The following NTNG1 variants were observed in gnomAD, a reference collection of about 807,000 sequenced individuals.
The protein encoded by NTNG1 is netrin-G1.
Under a neutral mutation model 54.0 loss-of-function variants are expected in NTNG1, and 16 were observed. That is an observed-to-expected ratio of 0.30 (90% CI 0.20 to 0.45). NTNG1 has a LOEUF of 0.45. Ranked by LOEUF, NTNG1 falls within the 20% of genes least tolerant of loss-of-function variation. The pLI, the probability that NTNG1 is intolerant of heterozygous loss-of-function variation, is 1.00. For missense variants in NTNG1, 530 were observed against 678.7 expected (o/e 0.78, Z 2.43); for synonymous variants, 255 against 263.1 (o/e 0.97, Z 0.30).
In NTNG1 at chr1:107,437,095, G is replaced by A. The variant is rs555696949; in HGVS notation, c.1390+296G>A. Among the ~76,000 whole-genome samples, 65 of 152,170 alleles carry A rather than the reference G, an allele frequency of 4.3e-4. 1 individual carries two copies. The highest frequency in any genetic ancestry group is 1.5e-3 in the African/African-American group (62 of 41,520). ...TTAAGTGACACAATAGGGACCCAGC[G>A]TGGAAATCTTCACCGCAGAATGAAG... On this transcript the variant is annotated intron_variant, in intron 7 of 7. Transcript: ENST00000370068.
At chr1:107,183,489 T>G (rs1388347473) in intron 2 of NTNG1, among the ~76,000 whole-genome samples, 1 of 152,190 alleles carries the variant, frequency 6.6e-6, no homozygotes. Context: ...AAGTTGTATT[T>G]CTCTTATTTA....
In NTNG1 at chr1:107,148,826, C is replaced by T. The variant is rs903007807; in HGVS notation, c.233C>T (p.Thr78Met). ...PDITCGDPPE[T>M]FCAMGNPYMC... ...ATTACCTGTGGAGACCCTCCTGAGA[C>T]GTTCTGTGCAATGGTGAGGTAACCC... Residue 78 changes from threonine to methionine, a missense_variant, in exon 2 of 8, where the codon ACG becomes ATG. Thr to Met is a moderately conservative substitution (Grantham distance 81). This residue lies in a region of NTNG1 where 318 missense variants were observed against 465.1 expected (regional missense o/e 0.68). Transcript: ENST00000370068. 4 of 1,613,312 alleles carry T rather than the reference C, an allele frequency of 2.5e-6. No individual in the cohort carries two copies. Among genetic ancestry groups the T allele is most frequent in the African/African-American group, 2.7e-5 (2 of 74,888 alleles).
intron 2 of NTNG1, among the ~76,000 whole-genome samples, chr1:107,303,624 A>G (rs1666461969): frequency 6.6e-6 from 1 of 152,122 alleles, no homozygotes; most frequent in South Asian, 2.1e-4. Flanking sequence ...TCTCCACTTA[A>G]ACTACTATCC....
At chr1:107,210,515 T>C (rs948034786) in intron 2 of NTNG1, among the ~76,000 whole-genome samples, 4 of 152,144 alleles carry the variant, frequency 2.6e-5, no homozygotes, top group Non-Finnish European at 4.4e-5. Context: ...TGGAGGGAAG[T>C]TGAGGCATTT....
intron 2 of NTNG1, among the ~76,000 whole-genome samples, chr1:107,255,245 C>A (rs1181065648): frequency 1.3e-5 from 2 of 152,108 alleles, no homozygotes; most frequent in African/African-American, 4.8e-5. Flanking sequence ...ATGTTTTTAG[C>A]ATTTAAAATC....
chr1:107,181,510 A>G (rs949681484), intron 2 of NTNG1, among the ~76,000 whole-genome samples: 2 of 23,130 alleles, frequency 8.6e-5, no homozygotes, highest in African/African-American at 2.0e-4. Context: ...GTGTGAAACA[A>G]TCCTTGATAA....
At chr1:107,228,562 T>C (rs573178291) in intron 2 of NTNG1, among the ~76,000 whole-genome samples, 162 of 152,298 alleles carry the variant, frequency 1.1e-3, no homozygotes, top group African/African-American at 3.8e-3. Context: ...GCAATAATAA[T>C]AATAATTAAT....
intron 6 of NTNG1, 58 bp from the exon 7 acceptor site, chr1:107,436,607 G>A (rs1675611731): frequency 6.5e-7 from 1 of 1,527,830 alleles, no homozygotes; most frequent in Admixed American, 1.8e-5. Context: ...CTCCTGTGTT[G>A]ATAACCTGTA....
At chr1:107,236,793 G>A (rs1661440685) in intron 2 of NTNG1, among the ~76,000 whole-genome samples, 6 of 152,104 alleles carry the variant, frequency 3.9e-5, no homozygotes, top group Admixed American at 3.9e-4. Flanking sequence ...CCCGTAAGAT[G>A]TGACTTGCTC....
intron 7 of NTNG1, among the ~76,000 whole-genome samples, chr1:107,450,922 T>C (rs1676580895): frequency 6.6e-6 from 1 of 152,054 alleles, no homozygotes. Context: ...TGGGGTTCTC[T>C]ACCTGGGCAG....
At chr1:107,398,486 C>T (rs939102552) in intron 4 of NTNG1, among the ~76,000 whole-genome samples, 5 of 152,122 alleles carry the variant, frequency 3.3e-5, no homozygotes, top group African/African-American at 1.2e-4. Context: ...TTCAAGACCA[C>T]TGTTGTATGA....
At position 107,337,493 on chromosome 1, in the gene NTNG1, A is replaced by G. The variant is rs75164698; in HGVS notation, c.887+12571A>G. Among the ~76,000 whole-genome samples, 882 of 152,126 alleles carry G rather than the reference A, an allele frequency of 5.8e-3. 6 individuals are homozygous for G. The highest frequency in any genetic ancestry group is 0.02 in the African/African-American group (828 of 41,542). Reference sequence around the variant, plus strand: ...AAGAAGATTCATTTGTAATGAGCACAAAGTTTCAGTTAGGGAAGATAAAAA... The same window carrying G: ...AAGAAGATTCATTTGTAATGAGCACGAAGTTTCAGTTAGGGAAGATAAAAA... On this transcript the variant is annotated intron_variant, in intron 3 of 7. Coordinates refer to ENST00000370068, the MANE Select transcript of NTNG1 (RefSeq NM_001113226.3).
At chr1:107,478,516 A>T (rs1006969729) in intron 7 of NTNG1, among the ~76,000 whole-genome samples, 4 of 152,200 alleles carry the variant, frequency 2.6e-5, no homozygotes, top group African/African-American at 9.6e-5. Flanking sequence ...TTATATTCAC[A>T]TCCAAGAAGA....
At chr1:107,374,499 T>C (rs1471642561) in intron 3 of NTNG1, among the ~76,000 whole-genome samples, 1 of 152,188 alleles carries the variant, frequency 6.6e-6, no homozygotes, top group Non-Finnish European at 1.5e-5. Flanking sequence ...TAATCATTTC[T>C]TCTAATTTCA....
At chr1:107,407,221 T>C (rs1050993193) in intron 4 of NTNG1, among the ~76,000 whole-genome samples, 1 of 152,146 alleles carries the variant, frequency 6.6e-6, no homozygotes, top group African/African-American at 2.4e-5. Context: ...AACACATGCA[T>C]CTCATAACAC....
intron 5 of NTNG1, among the ~76,000 whole-genome samples, chr1:107,425,185 A>AT (rs76210342): frequency 0.28 from 42,183 of 151,270 alleles, 6,119 homozygotes; most frequent in Non-Finnish European, 0.3. Flanking sequence ...GAAAAGTTGA[A>AT]TTAAAAAAAA....
intron 2 of NTNG1, among the ~76,000 whole-genome samples, chr1:107,177,299 T>C (rs1205453798): frequency 6.6e-6 from 1 of 152,110 alleles, no homozygotes; most frequent in African/African-American, 2.4e-5. Flanking sequence ...GCAAGTCACC[T>C]GGTCTCCTTC....
chr1:107,204,702 A>G (rs991940110), intron 2 of NTNG1, among the ~76,000 whole-genome samples: 8 of 152,194 alleles, frequency 5.3e-5, no homozygotes, highest in African/African-American at 1.9e-4. Flanking sequence ...AATTGTTTTA[A>G]GCCATTAAAG....
rs1284726322 is a variant in NTNG1, at chr1:107,271,423, C to T, written c.247-52859C>T. 5.3e-5 allele frequency among the ~76,000 whole-genome samples: 8 copies of T among 152,242 alleles called. No individual in the cohort carries two copies. In the East Asian group the frequency reaches 1.5e-3, roughly 29 times the overall value. On this transcript the variant is annotated intron_variant, in intron 2 of 7. Coordinates refer to ENST00000370068, the MANE Select transcript of NTNG1 (RefSeq NM_001113226.3). ...CTATTGTTTGTAACCTCCATGTTTTCCTTTACCATTTTCTTCCATATTCAG... is the reference window on the plus strand; with the variant it reads ...CTATTGTTTGTAACCTCCATGTTTTTCTTTACCATTTTCTTCCATATTCAG...
Sources: gnomAD v4.1 joint callset for allele counts (sites outside exome capture counted in the v4.1 genomes callset) on GRCh38, gnomAD v4.1.1 for gene constraint, gnomAD v4.1.1 regional missense constraint, MANE v1.5 for transcripts, NCBI Gene and HGNC (gene_info 2026-07-23, HGNC 2026-07-21) for gene names.